TOX2: variants seen among roughly 807,000 people sequenced by gnomAD.
TOX2 encodes granulosa cell HMG box 1.
Under a neutral mutation model 47.4 loss-of-function variants are expected in TOX2, and 15 were observed. That is an observed-to-expected ratio of 0.32 (90% CI 0.21 to 0.49). TOX2 has a LOEUF of 0.49. Ranked by LOEUF, TOX2 falls within the 20% of genes least tolerant of loss-of-function variation. The probability of loss-of-function intolerance (pLI) is 0.99; values close to 1 mark genes in which losing one functional copy is unlikely to be tolerated. For missense variants in TOX2, 622 were observed against 673.1 expected, an observed-to-expected ratio of 0.92 and a Z score of 0.84; for synonymous variants, 290 against 296.6, an observed-to-expected ratio of 0.98 and a Z score of 0.23.
intron 3 of TOX2, among the ~76,000 whole-genome samples, chr20:44,038,641 A>G (rs1455808751): frequency 6.6e-6 from 1 of 152,128 alleles, no homozygotes; most frequent in African/African-American, 2.4e-5. Flanking sequence ...TGTGGAAAAA[A>G]AGAAAAAAAA....
At chr20:43,923,401 A>G (rs2069131909) in intron 1 of TOX2, among the ~76,000 whole-genome samples, 1 of 152,188 alleles carries the variant, frequency 6.6e-6, no homozygotes, top group Non-Finnish European at 1.5e-5. Flanking sequence ...CTCAAACTTT[A>G]GCCCACCAGA....
intron 1 of TOX2, among the ~76,000 whole-genome samples, chr20:43,933,109 A>C: frequency 6.6e-6 from 1 of 152,186 alleles, no homozygotes. Context: ...TACCTGGGTA[A>C]AGTTGGGCAT....
intron 5 of TOX2, among the ~76,000 whole-genome samples, chr20:44,055,952 T>C (rs993900969): frequency 6.6e-6 from 1 of 152,032 alleles, no homozygotes; most frequent in Non-Finnish European, 1.5e-5. Context: ...GAGAGTTTAT[T>C]TGGGAGATGA....
At position 43,916,899 on chromosome 20, in the gene TOX2, CTG is replaced by C. The variant is rs927824457; in HGVS notation, c.99+1910_99+1911del. On this transcript the variant is annotated intron_variant, in intron 1 of 8. Coordinates refer to ENST00000341197, the MANE Select transcript of TOX2 (RefSeq NM_001098797.2). This position sits in a 1 kb window ranked among gnomAD's most constrained non-coding sequence, Gnocchi z 5.0. ...ACTCAGCCGAGGCCCCTGCTTTATTCTGATGCTCTGTAAACCTCTGACTCAGC... is the reference window on the plus strand; with the variant it reads ...ACTCAGCCGAGGCCCCTGCTTTATTCATGCTCTGTAAACCTCTGACTCAGC... Among the ~76,000 whole-genome samples the C allele has an allele frequency of 6.6e-6, 1 of 152,196 alleles. No individual in the cohort carries two copies. Among genetic ancestry groups the C allele is most frequent in the Non-Finnish European group, 1.5e-5 (1 of 68,050 alleles).
intron 1 of TOX2, among the ~76,000 whole-genome samples, chr20:43,937,592 G>A (rs1022400559): frequency 6.6e-6 from 1 of 152,056 alleles, no homozygotes; most frequent in Non-Finnish European, 1.5e-5. Flanking sequence ...TGAGAATGAG[G>A]TGATCAGATG....
chr20:43,952,148 G>A (rs867742243), intron 1 of TOX2, among the ~76,000 whole-genome samples: 2 of 151,872 alleles, frequency 1.3e-5, no homozygotes, highest in African/African-American at 2.4e-5. Flanking sequence ...TGATCTGCCC[G>A]CCTTGGCCTC....
intron 1 of TOX2, among the ~76,000 whole-genome samples, chr20:43,961,855 G>C (rs1055187586): frequency 1.3e-5 from 2 of 151,960 alleles, no homozygotes; most frequent in Non-Finnish European, 2.9e-5. Flanking sequence ...CCTCAAAGTC[G>C]CGAGCCCAAT....
chr20:43,949,783 C>T (rs1321036051), intron 1 of TOX2, among the ~76,000 whole-genome samples: 1 of 152,198 alleles, frequency 6.6e-6, no homozygotes, highest in African/African-American at 2.4e-5. Context: ...CCAGGGTCCC[C>T]TTCCCTGTGC....
intron 1 of TOX2, among the ~76,000 whole-genome samples, chr20:43,921,869 C>T (rs2069116052): frequency 6.6e-6 from 1 of 152,158 alleles, no homozygotes; most frequent in African/African-American, 2.4e-5. Context: ...ATGTCTTGAT[C>T]CCTAGACCTG....
At chr20:43,970,444 A>T (rs531676409) in intron 1 of TOX2, among the ~76,000 whole-genome samples, 1 of 152,324 alleles carries the variant, frequency 6.6e-6, no homozygotes, top group Non-Finnish European at 1.5e-5. Context: ...TCTCACCAGC[A>T]TTTAATAAAT....
At chr20:44,066,133 CT>C in intron 7 of TOX2, 26 bp downstream of exon 7, 1 of 1,501,950 alleles carries the variant, frequency 6.7e-7, no homozygotes. Context: ...CAGAACAGCC[CT>C]TCTGTGACCG....
chr20:43,987,050 T>C (rs1395306830), intron 2 of TOX2, among the ~76,000 whole-genome samples: 1 of 152,002 alleles, frequency 6.6e-6, no homozygotes, highest in African/African-American at 2.4e-5. Context: ...GGTGACAGAG[T>C]GAGACTGTTT....
At chr20:43,955,822 A>C in intron 1 of TOX2, among the ~76,000 whole-genome samples, 1 of 152,170 alleles carries the variant, frequency 6.6e-6, no homozygotes, top group East Asian at 1.9e-4. Flanking sequence ...TCCCTGCCCA[A>C]GCCCTGCTCA....
At chr20:43,959,714 C>T (rs78383100) in intron 1 of TOX2, among the ~76,000 whole-genome samples, 13,833 of 152,294 alleles carry the variant, frequency 0.091, 837 homozygotes, top group South Asian at 0.13. Context: ...TGCAACCCGA[C>T]GTACGCTCAT....
intron 1 of TOX2, among the ~76,000 whole-genome samples, chr20:43,964,591 T>G (rs780680862): frequency 3.9e-5 from 6 of 152,180 alleles, no homozygotes; most frequent in Non-Finnish European, 5.9e-5. Context: ...CTTTGATCTG[T>G]GTCTCTGTGC....
intron 1 of TOX2, among the ~76,000 whole-genome samples, chr20:43,932,817 T>G (rs905537188): frequency 6.7e-6 from 1 of 149,880 alleles, no homozygotes; most frequent in Non-Finnish European, 1.5e-5. Context: ...CAGCGGCTTC[T>G]TCCTCTAAGC....
chr20:43,922,074 G>T (rs2069118511), intron 1 of TOX2, among the ~76,000 whole-genome samples: 1 of 152,184 alleles, frequency 6.6e-6, no homozygotes, highest in African/African-American at 2.4e-5. Flanking sequence ...GTGACCTCAT[G>T]CACATCACTT....
intron 3 of TOX2, among the ~76,000 whole-genome samples, chr20:44,019,363 ATGGGACCC>A (rs2070942403): frequency 6.6e-6 from 1 of 152,232 alleles, no homozygotes; most frequent in Admixed American, 6.5e-5. Flanking sequence ...TGAAGACAGG[ATGGGACCC>A]TGATTCTTTT....
intron 1 of TOX2, among the ~76,000 whole-genome samples, chr20:43,965,621 T>G (rs1403255545): frequency 1.3e-5 from 2 of 152,200 alleles, no homozygotes; most frequent in Non-Finnish European, 1.5e-5. Context: ...CAAAATTCAC[T>G]TGTAGATTCC....
Sources: gnomAD v4.1 joint callset for allele counts (sites outside exome capture counted in the v4.1 genomes callset) on GRCh38, gnomAD v4.1.1 for gene constraint, Gnocchi (gnomAD v3.1) non-coding constraint, MANE v1.5 for transcripts, NCBI Gene and HGNC (gene_info 2026-07-23, HGNC 2026-07-21) for gene names.